The following SLC6A19 variants were observed in gnomAD, a reference collection of about 807,000 sequenced individuals.
SLC6A19 encodes sodium-dependent neutral amino acid transporter B(0)AT1.
SLC6A19 carries 67 observed loss-of-function variants against 68.3 expected under a neutral mutation model. That is an observed-to-expected ratio of 0.98 (90% confidence interval 0.81 to 1.20). The LOEUF (loss-of-function observed/expected upper bound fraction) is 1.20. SLC6A19 is among the 50% of genes most tolerant of loss of function. The probability of loss-of-function intolerance (pLI) is 0.00; values close to 1 mark genes in which losing one functional copy is unlikely to be tolerated. For synonymous variants in SLC6A19, 392 were observed against 374.9 expected (o/e 1.05, Z -0.53); for missense variants, 813 against 851.6 (o/e 0.95, Z 0.56).
intron 1 of SLC6A19, among the ~76,000 whole-genome samples, chr5:1,203,989 AG>A: frequency 6.6e-6 from 1 of 152,270 alleles, no homozygotes; most frequent in Middle Eastern, 3.4e-3. Context: ...GCACCAAAAC[AG>A]TGGGGCAGGC....
At chr5:1,211,077 G>A (rs1322209605) in intron 3 of SLC6A19, among the ~76,000 whole-genome samples, 1 of 152,180 alleles carries the variant, frequency 6.6e-6, no homozygotes, top group Non-Finnish European at 1.5e-5. Flanking sequence ...ATCAGCTCAC[G>A]GCGATTCACA....
rs1243032316 is a variant in SLC6A19 at position 1,215,501 on chromosome 5, C to G, written c.888-1057C>G. On this transcript the variant is annotated intron_variant, in intron 6 of 11. Coordinates refer to ENST00000304460, the MANE Select transcript of SLC6A19 (RefSeq NM_001003841.3). The surrounding 1 kb of genome is among the most constrained non-coding windows in gnomAD (Gnocchi z 5.1). ...ACATTTCCTGCGAATGGGGTGGCCA[C>G]ATTGCCACAGCCCTGTGTCTGATCC... is the stretch of plus-strand genomic sequence containing the variant. Among the ~76,000 whole-genome samples the G allele has an allele frequency of 6.6e-6, 1 of 152,252 alleles. No homozygotes were observed. Among genetic ancestry groups the G allele is most frequent in the African/African-American group, 2.4e-5 (1 of 41,472 alleles).
rs1377351719 is a variant in SLC6A19 at position 1,223,303 on chromosome 5, A to G, written c.*1399A>G. On this transcript the variant is annotated 3_prime_UTR_variant, in exon 12 of 12. Coordinates refer to ENST00000304460, the MANE Select transcript of SLC6A19 (RefSeq NM_001003841.3). ...ACTCTGTGCATTTTCTTAAGAGGAC[A>G]TGAGCTGTGTGAATTTTTAGCCAGC... The G allele has an allele frequency of 2.0e-5, 3 of 152,254 alleles. No individual in the cohort carries two copies. Among genetic ancestry groups the G allele is most frequent in the Non-Finnish European group, 4.4e-5 (3 of 68,050 alleles). 9.4% of individuals were successfully genotyped at this position (152,254 alleles called of 1,614,324 possible).
rs1456091306 is a variant in SLC6A19, at chr5:1,212,724, A to T, written c.663+240A>T. On this transcript the variant is annotated intron_variant, in intron 4 of 11. Coordinates refer to ENST00000304460, the MANE Select transcript of SLC6A19 (RefSeq NM_001003841.3). The surrounding 1 kb of genome is among the most constrained non-coding windows in gnomAD (Gnocchi z 5.1). ...GGCTCCAGGAACTTGACGTTGGCCC[A>T]CACGACACTTAGCGTTATGTAGGAG... Among the ~76,000 whole-genome samples the T allele has an allele frequency of 6.6e-6, 1 of 152,120 alleles. No individual in the cohort carries two copies. Among genetic ancestry groups the T allele is most frequent in the Non-Finnish European group, 1.5e-5 (1 of 67,998 alleles).
intron 10 of SLC6A19, among the ~76,000 whole-genome samples, chr5:1,220,293 C>A (rs1182214115): frequency 6.6e-6 from 1 of 151,746 alleles, no homozygotes; most frequent in Non-Finnish European, 1.5e-5. Context: ...GCCTGTAATC[C>A]CAGCTACTCG....
chr5:1,208,951 C>T (rs547020951), intron 2 of SLC6A19, 65 bp downstream of exon 2: 48 of 1,554,854 alleles, frequency 3.1e-5, no homozygotes, highest in Admixed American at 1.1e-4. Context: ...CCGTTCCACC[C>T]GGGCCCAGGG....
At chr5:1,217,373 G>A (rs371083565) in intron 8 of SLC6A19, among the ~76,000 whole-genome samples, 44 of 152,242 alleles carry the variant, frequency 2.9e-4, no homozygotes, top group African/African-American at 8.9e-4. Context: ...GCTCAGCCAC[G>A]CTGATGTCGA....
chr5:1,210,466 C>G lies in SLC6A19; in HGVS notation c.366C>G (p.Ser122=). Residue 122 remains serine, a synonymous_variant, in exon 3 of 12, where the codon TCC becomes TCG. Transcript: ENST00000304460. The part of the protein sequence containing the change: ...KGLGLASMLT[S]FMVGLYYNTI... ...CAGGCCTGGCCTCCATGCTCACGTC[C>G]TTCATGGTGGGACTGTATTACAACA... 6.2e-7 allele frequency: 1 copy of G among 1,613,354 alleles called. No individual in the cohort carries two copies.
At position 1,216,917 on chromosome 5, in the gene SLC6A19, C is replaced by T. The variant is rs766374481; in HGVS notation, c.1145C>T (p.Thr382Ile). 3 of 1,613,380 alleles carry T rather than the reference C, an allele frequency of 1.9e-6. No individual in the cohort carries two copies. The highest frequency in any genetic ancestry group is 2.5e-6 in the Non-Finnish European group (3 of 1,180,038). Residue 382 changes from threonine to isoleucine, a missense_variant, in exon 8 of 12, where the codon ACC becomes ATC. Transcript: ENST00000304460. ...GCCTACGCGCAGCTGGTGTTCCAGA[C>T]CTGCGACATCAACGCCTTCCTCTCA... ...PAAYAQLVFQ[T>I]CDINAFLSEA... is the part of the protein sequence containing the mutation.
In SLC6A19 at chr5:1,222,491, T is replaced by C; in HGVS notation, c.*587T>C. ...ATATATGCACATGTGTATATGTACATGTATGCCTGTGTGACGTGTGTATAT... is the reference window on the plus strand; with the variant it reads ...ATATATGCACATGTGTATATGTACACGTATGCCTGTGTGACGTGTGTATAT... On this transcript the variant is annotated 3_prime_UTR_variant, in exon 12 of 12. Transcript: ENST00000304460. 4.7e-6 allele frequency: 2 copies of C among 425,018 alleles called. No homozygotes were observed. Among genetic ancestry groups the C allele is most frequent in the Non-Finnish European group, 8.3e-6 (2 of 241,264 alleles). The allele number at this position is 425,018 out of a possible 1,614,324, so 26.3% of individuals were successfully genotyped here.
Position 1,223,186 on chromosome 5 carries a change from A to C in SLC6A19, c.*1282A>C, listed in dbSNP as rs1746444446. ...TGCGTTCTGGCCGCTTCCCGGCTTA[A>C]TGAATGCCAGCCATTTAATCATTGC... is the stretch of plus-strand genomic sequence containing the variant. On this transcript the variant is annotated 3_prime_UTR_variant, in exon 12 of 12. Transcript: ENST00000304460. 6.6e-6 allele frequency: 1 copy of C among 152,278 alleles called. No individual in the cohort carries two copies. Among genetic ancestry groups the C allele is most frequent in the South Asian group, 2.1e-4 (1 of 4,834 alleles). 9.4% of individuals were successfully genotyped at this position (152,278 alleles called of 1,614,324 possible). A position where few individuals can be genotyped will look rare whatever the true frequency, so the allele number is the denominator to read the frequency against.
rs1021640221 is a variant in SLC6A19 at position 1,212,415 on chromosome 5, G to A, written c.594G>A (p.Leu198=). The change falls in exon 4 of 12, where the codon CTG becomes CTA. Residue 198 remains leucine (L), a synonymous_variant. Coordinates refer to ENST00000304460, the MANE Select transcript of SLC6A19 (RefSeq NM_001003841.3). The surrounding 1 kb of genome is among the most constrained non-coding windows in gnomAD (Gnocchi z 5.1). ...CGGGCTCCATCCAGTGGTGGATGCTGCTGTGCCTGGCCTGCGCATGGAGCG... is the reference window on the plus strand; with the variant it reads ...CGGGCTCCATCCAGTGGTGGATGCTACTGTGCCTGGCCTGCGCATGGAGCG... ...SDSGSIQWWM[L]LCLACAWSVL... 1 of 1,612,588 alleles carries A rather than the reference G, an allele frequency of 6.2e-7. No homozygotes were observed. Among genetic ancestry groups the A allele is most frequent in the African/African-American group, 1.3e-5 (1 of 75,000 alleles).
intron 3 of SLC6A19, among the ~76,000 whole-genome samples, chr5:1,211,331 A>C (rs1047376476): frequency 2.6e-5 from 4 of 152,202 alleles, no homozygotes; most frequent in African/African-American, 9.6e-5. Context: ...CCCCTTTAGA[A>C]AGGTCTCAGG....
chr5:1,210,574 C>T lies in SLC6A19; in HGVS notation c.474C>T (p.Asn158=), dbSNP rs774853313. ...GGAGCGACTGCCCGCTCAACGAGAA[C>T]CAGACAGGTGAGTCCTTGCAAGCAG... is the stretch of plus-strand genomic sequence containing the variant. ...LPWSDCPLNE[N]QTGYVDECAR... Residue 158 remains asparagine, a synonymous_variant, in exon 3 of 12, where the codon AAC becomes AAT. Transcript: ENST00000304460. 8.7e-6 allele frequency: 14 copies of T among 1,612,756 alleles called. No individual in the cohort carries two copies. Among genetic ancestry groups the T allele is most frequent in the Middle Eastern group, 1.6e-4 (1 of 6,084 alleles).
In SLC6A19 at chr5:1,204,328, T is replaced by C. The variant is rs577331718; in HGVS notation, c.202+2476T>C. 3.9e-5 allele frequency among the ~76,000 whole-genome samples: 6 copies of C among 152,280 alleles called. No homozygotes were observed. The South Asian group carries it at 1.2e-3, about 32-fold the overall frequency. On this transcript the variant is annotated intron_variant, in intron 1 of 11. Coordinates refer to ENST00000304460, the MANE Select transcript of SLC6A19 (RefSeq NM_001003841.3). ...TTCCTGAGGAAGGGCATTTCCAAAC[T>C]CAGCCGCCCCACTCACCTGAGCCGT...
rs1238040697 is a variant in SLC6A19 at position 1,209,483 on chromosome 5, A to G, written c.343+597A>G. On this transcript the variant is annotated intron_variant, in intron 2 of 11. Coordinates refer to ENST00000304460, the MANE Select transcript of SLC6A19 (RefSeq NM_001003841.3). The surrounding 1 kb of genome is among the most constrained non-coding windows in gnomAD (Gnocchi z 5.5). ...AGCCTGCAGGCCTGGAGCAGAGCCT[A>G]CACCCTCATCCCAGCCTCTCCCTGA... is the stretch of plus-strand genomic sequence containing the variant. Among the ~76,000 whole-genome samples, 1 of 151,952 alleles carries G rather than the reference A, an allele frequency of 6.6e-6. No individual in the cohort carries two copies. The highest frequency in any genetic ancestry group is 1.5e-5 in the Non-Finnish European group (1 of 67,968).
At chr5:1,205,833 T>C (rs72709415) in intron 1 of SLC6A19, among the ~76,000 whole-genome samples, 4,973 of 152,242 alleles carry the variant, frequency 0.033, 92 homozygotes, top group South Asian at 0.068. Context: ...GGGTCTTGGG[T>C]GTCCCTGCAG....
In SLC6A19 at chr5:1,214,879, G is replaced by A. The variant is rs1746164625; in HGVS notation, c.887+814G>A. Among the ~76,000 whole-genome samples the A allele has an allele frequency of 6.7e-6, 1 of 150,356 alleles. No homozygotes were observed. Among genetic ancestry groups the A allele is most frequent in the Non-Finnish European group, 1.5e-5 (1 of 67,500 alleles). On this transcript the variant is annotated intron_variant, in intron 6 of 11. Transcript: ENST00000304460. The surrounding 1 kb of genome is among the most constrained non-coding windows in gnomAD (Gnocchi z 7.4). ...GCCTGGGTAGGGAGGGTGGGCCCTG[G>A]GTGTGAGGGGCGGGGCTGGGCAGGG...
At chr5:1,205,901 C>T (rs1182077397) in intron 1 of SLC6A19, among the ~76,000 whole-genome samples, 1 of 152,222 alleles carries the variant, frequency 6.6e-6, no homozygotes, top group Non-Finnish European at 1.5e-5. Flanking sequence ...ATCTCCTGCA[C>T]CTGGCTACCA....
Sources: gnomAD v4.1 joint callset for allele counts (sites outside exome capture counted in the v4.1 genomes callset) on GRCh38, gnomAD v4.1.1 for gene constraint, Gnocchi (gnomAD v3.1) non-coding constraint, MANE v1.5 for transcripts, NCBI Gene and HGNC (gene_info 2026-07-23, HGNC 2026-07-21) for gene names.